CDK14: variants seen among roughly 807,000 people sequenced by gnomAD.
The protein encoded by CDK14 is cyclin-dependent kinase 14.
A neutral mutation model predicts 60.7 loss-of-function variants in CDK14; 34 were observed. The ratio of observed to expected loss-of-function variants is 0.56; its 90% CI spans 0.43 to 0.75. The LOEUF is 0.75. CDK14 is among the 30% of genes least tolerant of loss of function. The pLI, the probability that CDK14 is intolerant of heterozygous loss-of-function variation, is 0.00. For missense variants in CDK14, 482 were observed against 564.1 expected (o/e 0.85, Z 1.47); for synonymous variants, 197 against 203.7 (o/e 0.97, Z 0.28).
In CDK14 at chr7:91,176,179, G is replaced by C. The variant is rs1801746343; in HGVS notation, c.*29-30986G>C. ...CTCACTCAAAACTGCTCAACTACATGGAAACTGAACAACCTGCTCCTGAAT... is the reference window on the plus strand; with the variant it reads ...CTCACTCAAAACTGCTCAACTACATCGAAACTGAACAACCTGCTCCTGAAT... On this transcript the variant is annotated intron_variant, in intron 14 of 14. Transcript: ENST00000380050. Among the ~76,000 whole-genome samples, 6 of 152,054 alleles carry C rather than the reference G, an allele frequency of 3.9e-5. No homozygotes were observed. The South Asian group carries it at 1.3e-3, about 32-fold the overall frequency.
At chr7:90,940,006 C>T (rs1434249643) in intron 8 of CDK14, among the ~76,000 whole-genome samples, 2 of 152,082 alleles carry the variant, frequency 1.3e-5, no homozygotes, top group African/African-American at 2.4e-5. Context: ...AGGCTGGAGT[C>T]GGGGGGATGT....
At chr7:90,905,801 A>G (rs964888759) in intron 7 of CDK14, among the ~76,000 whole-genome samples, 30 of 152,162 alleles carry the variant, frequency 2.0e-4, no homozygotes, top group African/African-American at 7.0e-4. Context: ...CATCATTTTC[A>G]TATTGAAGAT....
chr7:90,858,164 ATAT>A (rs1790889561), intron 5 of CDK14, among the ~76,000 whole-genome samples: 1 of 152,208 alleles, frequency 6.6e-6, no homozygotes, highest in East Asian at 1.9e-4. Flanking sequence ...GTGGTCAAAA[ATAT>A]AATATGAAAA....
At chr7:90,753,040 C>G (rs1309106616) in intron 4 of CDK14, among the ~76,000 whole-genome samples, 1 of 152,150 alleles carries the variant, frequency 6.6e-6, no homozygotes, top group Non-Finnish European at 1.5e-5. Flanking sequence ...TAGATTGTCT[C>G]ATAGCCAAGT....
chr7:90,805,388 A>G (rs1030105906), intron 5 of CDK14, among the ~76,000 whole-genome samples: 3 of 152,072 alleles, frequency 2.0e-5, no homozygotes, highest in African/African-American at 7.2e-5. Context: ...GCTAACACCT[A>G]TTCGTGTTAA....
intron 4 of CDK14, among the ~76,000 whole-genome samples, chr7:90,755,376 T>C (rs573765197): frequency 2.1e-4 from 32 of 152,142 alleles, no homozygotes; most frequent in Non-Finnish European, 4.3e-4. Flanking sequence ...GAAAACCAAA[T>C]ATTGCATGTT....
At chr7:91,019,885 A>G (rs1425646410) in intron 10 of CDK14, among the ~76,000 whole-genome samples, 1 of 152,178 alleles carries the variant, frequency 6.6e-6, no homozygotes, top group African/African-American at 2.4e-5. Flanking sequence ...TTCCATGACC[A>G]TGCTGCATAA....
intron 2 of CDK14, among the ~76,000 whole-genome samples, chr7:90,640,094 T>C (rs918576124): frequency 6.6e-6 from 1 of 152,160 alleles, no homozygotes; most frequent in African/African-American, 2.4e-5. Flanking sequence ...TGCCTCGCCC[T>C]GCTTCAGCTG....
rs1793489120 is a variant in CDK14, at chr7:90,928,387, A to G, written c.826+10663A>G. Among the ~76,000 whole-genome samples, 2 of 152,146 alleles carry G rather than the reference A, an allele frequency of 1.3e-5. 1 individual carries two copies. Among genetic ancestry groups the G allele is most frequent in the South Asian group, 4.1e-4 (2 of 4,828 alleles). ...CTTTGGTCTTTGATGATGGTGACGT[A>G]CAGATGGGGTTTTGGTGTGGATGTC... On this transcript the variant is annotated intron_variant, in intron 8 of 14. Coordinates refer to ENST00000380050, the MANE Select transcript of CDK14 (RefSeq NM_001287135.2).
intron 14 of CDK14, among the ~76,000 whole-genome samples, chr7:91,122,072 T>C (rs962927600): frequency 6.6e-6 from 1 of 152,218 alleles, no homozygotes; most frequent in African/African-American, 2.4e-5. Context: ...TCTGAAATAG[T>C]ATGTGCTCAT....
At chr7:91,054,579 A>T (rs1797498324) in intron 11 of CDK14, among the ~76,000 whole-genome samples, 1 of 152,222 alleles carries the variant, frequency 6.6e-6, no homozygotes, top group Non-Finnish European at 1.5e-5. Context: ...CCATACTGGG[A>T]GGTCACTGGT....
At chr7:91,028,295 C>T (rs941344520) in intron 10 of CDK14, among the ~76,000 whole-genome samples, 3 of 152,022 alleles carry the variant, frequency 2.0e-5, no homozygotes, top group Non-Finnish European at 4.4e-5. Flanking sequence ...CACACACACA[C>T]ACCCCCCACA....
chr7:90,681,872 G>T (rs1336045608), intron 2 of CDK14, among the ~76,000 whole-genome samples: 1 of 152,078 alleles, frequency 6.6e-6, no homozygotes, highest in Non-Finnish European at 1.5e-5. Flanking sequence ...CATCTTCAAA[G>T]AAAAATTCTT....
At chr7:90,779,927 C>CT (rs1346670800) in intron 4 of CDK14, among the ~76,000 whole-genome samples, 3 of 152,152 alleles carry the variant, frequency 2.0e-5, no homozygotes, top group African/African-American at 7.2e-5. Flanking sequence ...ACATGTCAAT[C>CT]TTTTAGTCCA....
chr7:90,854,325 A>G (rs1408107277), intron 5 of CDK14, among the ~76,000 whole-genome samples: 1 of 152,086 alleles, frequency 6.6e-6, no homozygotes, highest in Non-Finnish European at 1.5e-5. Context: ...ACCAGCCTGA[A>G]CAACATAGCA....
chr7:91,029,995 A>C (rs913703577), intron 10 of CDK14, among the ~76,000 whole-genome samples: 6 of 152,300 alleles, frequency 3.9e-5, no homozygotes, highest in Admixed American at 3.3e-4. Context: ...GGCCCCAGAG[A>C]GTATGATGAG....
intron 10 of CDK14, among the ~76,000 whole-genome samples, chr7:91,029,599 C>CTCTCCTCTCCTCTCCTCTCT (rs1796696828): frequency 7.6e-6 from 1 of 132,168 alleles, no homozygotes; most frequent in African/African-American, 2.9e-5. Context: ...CTCTCCTCTC[C>CTCTCCTCTCCTCTCCTCTCT]TCTCCTCTCC....
At chr7:90,947,119 T>C (rs1315846015) in intron 8 of CDK14, among the ~76,000 whole-genome samples, 1 of 152,220 alleles carries the variant, frequency 6.6e-6, no homozygotes, top group Non-Finnish European at 1.5e-5. Context: ...ATCTGGAGGC[T>C]CTCTAGACAG....
At chr7:90,914,729 A>G (rs1793018187) in intron 7 of CDK14, among the ~76,000 whole-genome samples, 2 of 152,126 alleles carry the variant, frequency 1.3e-5, no homozygotes, top group African/African-American at 2.4e-5. Flanking sequence ...AGGATTATAT[A>G]TTTTCACTAA....
Sources: allele counts gnomAD v4.1 joint callset (sites outside exome capture counted in the v4.1 genomes callset), GRCh38; gene constraint gnomAD v4.1.1; transcripts MANE v1.5; gene names NCBI Gene and HGNC (gene_info 2026-07-23, HGNC 2026-07-21).